DLG2: variants seen among roughly 807,000 people sequenced by gnomAD.
DLG2 encodes the protein disks large homolog 2.
In DLG2, 45 loss-of-function variants were observed where a neutral mutation model predicts 132.5. The observed-to-expected ratio is 0.34, with a 90% CI of 0.27 to 0.44. DLG2 has a LOEUF of 0.44. Ranked by LOEUF, DLG2 falls within the 20% of genes least tolerant of loss-of-function variation. The probability of loss-of-function intolerance (pLI) is 1.00; values close to 1 mark genes in which losing one functional copy is unlikely to be tolerated. For synonymous variants in DLG2, 424 were observed against 419.6 expected, an observed-to-expected ratio of 1.01 and a Z score of -0.13; for missense variants, 1,045 against 1,196.9, an observed-to-expected ratio of 0.87 and a Z score of 1.87.
intron 6 of DLG2, among the ~76,000 whole-genome samples, chr11:84,916,284 G>T (rs1245658728): frequency 1.5e-5 from 2 of 130,964 alleles, no homozygotes; most frequent in South Asian, 5.1e-4. Flanking sequence ...GGGAGGCGGA[G>T]CATGCAGTGA....
chr11:85,270,463 C>T (rs1024477450), intron 4 of DLG2, among the ~76,000 whole-genome samples: 4 of 152,132 alleles, frequency 2.6e-5, no homozygotes, highest in African/African-American at 9.7e-5. Flanking sequence ...CAAGCTAATA[C>T]AGTAATTTGG....
At chr11:85,554,241 T>C (rs2076816687) in intron 3 of DLG2, among the ~76,000 whole-genome samples, 1 of 151,626 alleles carries the variant, frequency 6.6e-6, no homozygotes, top group Admixed American at 6.6e-5. Context: ...TTGAAAACAA[T>C]AGTCGTCGTC....
chr11:83,977,943 A>T (rs2092424820), intron 12 of DLG2, among the ~76,000 whole-genome samples: 1 of 152,130 alleles, frequency 6.6e-6, no homozygotes, highest in Admixed American at 6.6e-5. Flanking sequence ...ATATACTGAA[A>T]GAATGGTGTA....
intron 11 of DLG2, among the ~76,000 whole-genome samples, chr11:84,035,814 G>A (rs991713514): frequency 6.6e-6 from 1 of 152,158 alleles, no homozygotes; most frequent in Admixed American, 6.6e-5. Flanking sequence ...TATGGTTTAG[G>A]TTACAGCAGC....
chr11:85,443,302 T>C (rs1332966837), intron 3 of DLG2, among the ~76,000 whole-genome samples: 2 of 152,142 alleles, frequency 1.3e-5, no homozygotes, highest in South Asian at 2.1e-4. Context: ...AACTAGAAAA[T>C]AGTAATTGTG....
chr11:84,327,112 CTT>C (rs11290540), intron 7 of DLG2, among the ~76,000 whole-genome samples: 365 of 118,976 alleles, frequency 3.1e-3, no homozygotes, highest in African/African-American at 0.01. Context: ...TAATGAGAAT[CTT>C]TTTTTTTTTT....
intron 18 of DLG2, among the ~76,000 whole-genome samples, chr11:83,643,141 C>G (rs2067069280): frequency 6.6e-6 from 1 of 151,898 alleles, no homozygotes. Context: ...AAAGCGGTGA[C>G]AAAAGTAATT....
chr11:84,389,543 TTA>T (rs2098784582), intron 7 of DLG2, among the ~76,000 whole-genome samples: 1 of 152,136 alleles, frequency 6.6e-6, no homozygotes, highest in South Asian at 2.1e-4. Context: ...TGAAATAAAT[TTA>T]GAGTTGATTT....
chr11:85,031,077 C>T (rs2060963384), intron 6 of DLG2, among the ~76,000 whole-genome samples: 1 of 151,420 alleles, frequency 6.6e-6, no homozygotes, highest in Non-Finnish European at 1.5e-5. Flanking sequence ...ATGATTTCAG[C>T]TTTTTTTTAT....
intron 18 of DLG2, among the ~76,000 whole-genome samples, chr11:83,694,861 C>T (rs1433195603): frequency 6.6e-6 from 1 of 152,172 alleles, no homozygotes; most frequent in African/African-American, 2.4e-5. Context: ...TTCTTTTCAC[C>T]GAATAGGTAA....
At chr11:84,056,920 G>C (rs1329535145) in intron 11 of DLG2, among the ~76,000 whole-genome samples, 6 of 152,100 alleles carry the variant, frequency 3.9e-5, no homozygotes, top group African/African-American at 1.4e-4. Flanking sequence ...CTCTCTACAG[G>C]AATTTCGCAA....
chr11:84,371,821 C>T (rs2098707816), intron 7 of DLG2, among the ~76,000 whole-genome samples: 1 of 152,086 alleles, frequency 6.6e-6, no homozygotes, highest in African/African-American at 2.4e-5. Context: ...ATAATATCTC[C>T]TGCATGGTAT....
At chr11:83,988,719 T>C (rs938408552) in intron 11 of DLG2, among the ~76,000 whole-genome samples, 1 of 152,148 alleles carries the variant, frequency 6.6e-6, no homozygotes, top group Non-Finnish European at 1.5e-5. Flanking sequence ...ACAGCTGTTC[T>C]GCTACATGGA....
At chr11:84,107,720 G>A (rs1479288687) in intron 9 of DLG2, among the ~76,000 whole-genome samples, 1 of 152,078 alleles carries the variant, frequency 6.6e-6, no homozygotes, top group Non-Finnish European at 1.5e-5. Flanking sequence ...AGAAATTAAA[G>A]GTCATTTTAA....
At chr11:83,757,592 G>T (rs561173953) in intron 18 of DLG2, among the ~76,000 whole-genome samples, 1 of 152,164 alleles carries the variant, frequency 6.6e-6, no homozygotes, top group Non-Finnish European at 1.5e-5. Flanking sequence ...GAGACTGGGG[G>T]CAAAGGTAAG....
intron 3 of DLG2, among the ~76,000 whole-genome samples, chr11:85,457,783 G>C (rs1321857137): frequency 6.6e-6 from 1 of 152,126 alleles, no homozygotes; most frequent in East Asian, 1.9e-4. Flanking sequence ...CTGGCTTGTA[G>C]GGTTTCTGCT....
intron 8 of DLG2, among the ~76,000 whole-genome samples, chr11:84,218,354 G>C (rs944189085): frequency 8.5e-6 from 1 of 118,024 alleles, no homozygotes. Flanking sequence ...GAAGGAAAGA[G>C]AGAGCGAGAG....
intron 3 of DLG2, among the ~76,000 whole-genome samples, chr11:85,475,761 T>C (rs1565549151): frequency 6.6e-6 from 1 of 152,090 alleles, no homozygotes; most frequent in Admixed American, 6.5e-5. Flanking sequence ...AAATAGGCAA[T>C]AACAAATAAC....
chr11:83,953,736 C>A (rs1260678394), intron 14 of DLG2, among the ~76,000 whole-genome samples: 2 of 152,090 alleles, frequency 1.3e-5, no homozygotes, highest in Non-Finnish European at 2.9e-5. Flanking sequence ...AAGAACAGAC[C>A]ATGTCTATTT....
Sources: gnomAD v4.1 joint callset for allele counts (sites outside exome capture counted in the v4.1 genomes callset) on GRCh38, gnomAD v4.1.1 for gene constraint, MANE v1.5 for transcripts, NCBI Gene and HGNC (gene_info 2026-07-23, HGNC 2026-07-21) for gene names.